Variants in LRRFIP2 observed in about 807,000 individuals in gnomAD.
The protein encoded by LRRFIP2 is LRR binding FLII interacting protein 2.
In LRRFIP2, 109 loss-of-function variants were observed where a neutral mutation model predicts 125.9. The observed-to-expected ratio is 0.87, with a 90% confidence interval of 0.74 to 1.01. The LOEUF (loss-of-function observed/expected upper bound fraction) is 1.01, where lower values mean the gene tolerates loss of function less well. Among genes scored for constraint, LRRFIP2 ranks in the 50% least tolerant of loss-of-function variants. LRRFIP2 has a pLI of 0.00. For missense variants in LRRFIP2, 850 were observed against 862.3 expected (o/e 0.99, Z 0.18); for synonymous variants, 291 against 293.1 (o/e 0.99, Z 0.07).
intron 19 of LRRFIP2, among the ~76,000 whole-genome samples, chr3:37,081,874 G>A (rs865874048): frequency 4.4e-5 from 6 of 136,492 alleles, no homozygotes; most frequent in Non-Finnish European, 9.2e-5. Flanking sequence ...GCTACAGAGT[G>A]AGACCTTGTC....
intron 1 of LRRFIP2, among the ~76,000 whole-genome samples, chr3:37,169,770 G>A (rs1009878577): frequency 6.6e-6 from 1 of 152,032 alleles, no homozygotes; most frequent in Non-Finnish European, 1.5e-5. Context: ...GTTAAAATGT[G>A]GTAATGAAGG....
intron 15 of LRRFIP2, among the ~76,000 whole-genome samples, chr3:37,100,414 A>G (rs1021515613): frequency 1.4e-5 from 2 of 146,442 alleles, no homozygotes; most frequent in African/African-American, 2.5e-5. Flanking sequence ...GTATATATAC[A>G]TATACATACA....
At chr3:37,130,830 CT>C (rs2095409587) in intron 2 of LRRFIP2, among the ~76,000 whole-genome samples, 1 of 152,122 alleles carries the variant, frequency 6.6e-6, no homozygotes, top group Non-Finnish European at 1.5e-5. Context: ...CCACACAGTG[CT>C]TCCTTTAAGT....
At chr3:37,080,213 A>T (rs2092507709) in intron 19 of LRRFIP2, among the ~76,000 whole-genome samples, 1 of 152,044 alleles carries the variant, frequency 6.6e-6, no homozygotes, top group South Asian at 2.1e-4. Flanking sequence ...CCTGACCAAC[A>T]AAGTGAAACC....
At position 37,098,545 on chromosome 3, in the gene LRRFIP2, C is replaced by T. The variant is rs188028989; in HGVS notation, c.874-1885G>A. Among the ~76,000 whole-genome samples the T allele has an allele frequency of 3.5e-4, 53 of 151,900 alleles. No homozygotes were observed. In the East Asian group the frequency reaches 4.3e-3, roughly 12 times the overall value. ...CTGGGATTACAGGCACCCGCCATCA[C>T]GCCCGGCTAATTTTTTTTTGTATTT... On this transcript the variant is annotated intron_variant, in intron 15 of 27. Coordinates refer to ENST00000336686, the MANE Select transcript of LRRFIP2 (RefSeq NM_006309.4).
At chr3:37,082,464 T>C (rs2092723556) in intron 19 of LRRFIP2, among the ~76,000 whole-genome samples, 1 of 152,142 alleles carries the variant, frequency 6.6e-6, no homozygotes, top group Non-Finnish European at 1.5e-5. Flanking sequence ...TACCCTATTA[T>C]AAACAACCCA....
chr3:37,053,869 T>C lies in LRRFIP2; in HGVS notation c.2148A>G (p.Ala716=). 6.2e-7 allele frequency: 1 copy of C among 1,613,740 alleles called. No homozygotes were observed. Among genetic ancestry groups the C allele is most frequent in the Non-Finnish European group, 8.5e-7 (1 of 1,179,610 alleles). The change falls in exon 28 of 28, where the codon GCA becomes GCG. Residue 716 remains alanine (A), a synonymous_variant. Transcript: ENST00000336686. ...GGTTTTCCTACTGCTGGGCCAGAAG[T>C]GCTGTCCTATTGGCCTTCATCTTCT... ...RLEKMKANRT[A]LLAQQ is the part of the protein sequence containing the mutation.
chr3:37,121,494 T>C lies in LRRFIP2; in HGVS notation c.328A>G (p.Arg110Gly). 2 of 1,613,862 alleles carry C rather than the reference T, an allele frequency of 1.2e-6. No homozygotes were observed. Among genetic ancestry groups the C allele is most frequent in the Non-Finnish European group, 8.5e-7 (1 of 1,179,756 alleles). The change falls in exon 6 of 28, where the codon AGG becomes GGG. Residue 110 changes from arginine to glycine, a missense_variant and splice_region_variant. Physicochemically the swap from Arg to Gly is moderately radical, Grantham distance 125. Coordinates refer to ENST00000336686, the MANE Select transcript of LRRFIP2 (RefSeq NM_006309.4). ...TGTAGACAAGTTAAAATACCAACCC[T>C]GTGACTGCCAACACTTCGAATGGAC... ...ALSIRSVGSH[R>G]YDMFKDRSSR...
chr3:37,145,353 G>T (rs958147510), intron 2 of LRRFIP2, among the ~76,000 whole-genome samples: 1 of 152,110 alleles, frequency 6.6e-6, no homozygotes. Context: ...TATACAAAAA[G>T]TAAAACTTTG....
chr3:37,101,822 T>C (rs2149320438), intron 15 of LRRFIP2, among the ~76,000 whole-genome samples: 1 of 152,294 alleles, frequency 6.6e-6, no homozygotes, highest in Non-Finnish European at 1.5e-5. Context: ...GTCAGAGAGA[T>C]AATCAGGCTG....
intron 3 of LRRFIP2, 71 bp downstream of exon 3, chr3:37,128,992 T>A: frequency 3.0e-6 from 4 of 1,344,654 alleles, no homozygotes; most frequent in Non-Finnish European, 4.3e-6. Flanking sequence ...CAGATTCACA[T>A]CAGAATAAAC....
chr3:37,105,135 G>A (rs2094254505), intron 14 of LRRFIP2, among the ~76,000 whole-genome samples: 1 of 152,174 alleles, frequency 6.6e-6, no homozygotes. Flanking sequence ...CATTAATTTT[G>A]CTGAAGAAAT....
At chr3:37,165,295 C>T (rs958731480) in intron 1 of LRRFIP2, among the ~76,000 whole-genome samples, 38 of 151,592 alleles carry the variant, frequency 2.5e-4, no homozygotes, top group Admixed American at 6.6e-4. Context: ...CTAGGTTGTG[C>T]GTTCCTTATG....
chr3:37,107,341 C>CA (rs998549837), intron 13 of LRRFIP2, among the ~76,000 whole-genome samples: 2 of 151,454 alleles, frequency 1.3e-5, no homozygotes, highest in African/African-American at 4.9e-5. Flanking sequence ...AAATTTTTAT[C>CA]AAAAAAAGAA....
intron 2 of LRRFIP2, among the ~76,000 whole-genome samples, chr3:37,139,365 A>G (rs935812573): frequency 6.6e-5 from 10 of 152,210 alleles, no homozygotes; most frequent in Non-Finnish European, 1.5e-4. Context: ...CAAGATATAT[A>G]ATGTAAATGA....
intron 2 of LRRFIP2, among the ~76,000 whole-genome samples, chr3:37,129,984 C>A (rs192913534): frequency 6.6e-6 from 1 of 152,092 alleles, no homozygotes; most frequent in Non-Finnish European, 1.5e-5. Flanking sequence ...CAGAGTGAGA[C>A]GCTGTCTCAA....
chr3:37,090,361 T>G (rs909046563), intron 18 of LRRFIP2, among the ~76,000 whole-genome samples: 1 of 152,146 alleles, frequency 6.6e-6, no homozygotes, highest in Non-Finnish European at 1.5e-5. Context: ...CCCAAGTAGC[T>G]TGGATTACAG....
chr3:37,103,796 T>C (rs1163493636), intron 14 of LRRFIP2, among the ~76,000 whole-genome samples: 2 of 152,228 alleles, frequency 1.3e-5, no homozygotes, highest in Non-Finnish European at 1.5e-5. Context: ...GTTTCTTTAC[T>C]AGCTTATTTT....
intron 2 of LRRFIP2, among the ~76,000 whole-genome samples, chr3:37,139,971 T>A (rs945841913): frequency 3.3e-5 from 5 of 152,242 alleles, no homozygotes; most frequent in Admixed American, 2.0e-4. Flanking sequence ...TAATGACCTC[T>A]AACTACCAAA....
Sources: allele counts gnomAD v4.1 joint callset (sites outside exome capture counted in the v4.1 genomes callset), GRCh38; gene constraint gnomAD v4.1.1; transcripts MANE v1.5; gene names NCBI Gene and HGNC (gene_info 2026-07-23, HGNC 2026-07-21).